SAMD12: variants seen among roughly 807,000 people sequenced by gnomAD.
SAMD12 encodes the protein sterile alpha motif domain-containing protein 12.
In SAMD12, 9 loss-of-function variants were observed where a neutral mutation model predicts 15.0. The observed-to-expected ratio is 0.60, with a 90% CI of 0.36 to 1.05. SAMD12 has a LOEUF of 1.05. SAMD12 is among the 50% of genes least tolerant of loss of function. The pLI is 0.01. For missense variants in SAMD12, 230 were observed against 234.2 expected, an observed-to-expected ratio of 0.98 and a Z score of 0.12; for synonymous variants, 86 against 90.1, an observed-to-expected ratio of 0.96 and a Z score of 0.25.
At chr8:118,195,264 C>CA (rs1267819762) in exon 5 of SAMD12, 3 of 152,256 alleles carry the variant, frequency 2.0e-5, no homozygotes, top group African/African-American at 7.2e-5. Flanking sequence ...GCAGTAGTCT[C>CA]ACAATGTCCT....
At chr8:118,558,497 A>G (rs1321133598) in intron 2 of SAMD12, among the ~76,000 whole-genome samples, 1 of 152,202 alleles carries the variant, frequency 6.6e-6, no homozygotes, top group Non-Finnish European at 1.5e-5. Context: ...GCACTGCTAG[A>G]CCACATACAA....
chr8:118,617,487 T>C (rs1452006009), intron 1 of SAMD12, among the ~76,000 whole-genome samples: 2 of 152,226 alleles, frequency 1.3e-5, no homozygotes, highest in Non-Finnish European at 2.9e-5. Context: ...GATCCCTTAA[T>C]ATAGATGTCA....
At chr8:118,287,122 ATT>A (rs202200197) in intron 4 of SAMD12, among the ~76,000 whole-genome samples, 18 of 132,818 alleles carry the variant, frequency 1.4e-4, no homozygotes, top group South Asian at 2.4e-4. Flanking sequence ...AAGGAAGAAT[ATT>A]TTTTTTTTTT....
At chr8:118,380,106 T>C (rs1819596986) in intron 3 of SAMD12, among the ~76,000 whole-genome samples, 1 of 152,164 alleles carries the variant, frequency 6.6e-6, no homozygotes, top group Non-Finnish European at 1.5e-5. Context: ...ACAACTCACT[T>C]ACAACCCAGC....
In SAMD12 at chr8:118,569,194, A is replaced by G. The variant is rs181759748; in HGVS notation, c.192+11521T>C. On this transcript the variant is annotated intron_variant, in intron 2 of 3. Transcript: ENST00000314727. Reference sequence around the variant, plus strand: ...ACTTTGAGTAATGACATCATGCCATAAGTAGAAAATTCTACTCTTGACCTC... The same window carrying G: ...ACTTTGAGTAATGACATCATGCCATGAGTAGAAAATTCTACTCTTGACCTC... Among the ~76,000 whole-genome samples, 703 of 152,296 alleles carry G rather than the reference A, an allele frequency of 4.6e-3. 2 individuals are homozygous for G. Among genetic ancestry groups the G allele is most frequent in the African/African-American group, 0.016 (645 of 41,552 alleles).
At chr8:118,133,667 A>G in the SAMD12 span, among the ~76,000 whole-genome samples, 2 of 152,172 alleles carry the variant, frequency 1.3e-5, no homozygotes, top group Non-Finnish European at 2.9e-5. Flanking sequence ...AAACAGCTCA[A>G]CATGTCAGGT....
chr8:118,165,632 A>ATATATATG, the SAMD12 span, among the ~76,000 whole-genome samples: 2 of 143,078 alleles, frequency 1.4e-5, no homozygotes, highest in South Asian at 4.3e-4. Flanking sequence ...ATATATATAT[A>ATATATATG]TATACATATA....
chr8:118,237,851 C>T (rs982253521), intron 4 of SAMD12, among the ~76,000 whole-genome samples: 1 of 152,128 alleles, frequency 6.6e-6, no homozygotes, highest in Non-Finnish European at 1.5e-5. Flanking sequence ...TCCATCTCCT[C>T]CTTCCTTTTC....
chr8:118,589,770 A>G (rs562278753), intron 1 of SAMD12, among the ~76,000 whole-genome samples: 3 of 152,288 alleles, frequency 2.0e-5, no homozygotes, highest in East Asian at 3.9e-4. Context: ...TCCATGACCA[A>G]TCATCTTTAT....
intron 2 of SAMD12, among the ~76,000 whole-genome samples, chr8:118,522,606 T>C (rs1825420377): frequency 6.6e-6 from 1 of 152,210 alleles, no homozygotes; most frequent in Non-Finnish European, 1.5e-5. Context: ...TTAGGACAAT[T>C]GCAGATTAAA....
At chr8:118,380,198 A>G (rs1819600988) in intron 3 of SAMD12, among the ~76,000 whole-genome samples, 1 of 152,204 alleles carries the variant, frequency 6.6e-6, no homozygotes, top group Admixed American at 6.5e-5. Flanking sequence ...TTTCTGAGAA[A>G]TATGCATTTA....
chr8:118,422,576 G>A (rs1822047764), intron 3 of SAMD12, among the ~76,000 whole-genome samples: 1 of 152,060 alleles, frequency 6.6e-6, no homozygotes, highest in Non-Finnish European at 1.5e-5. Flanking sequence ...TGAAGCTGAC[G>A]AAAAACCTCA....
At chr8:118,139,215 T>TAA in the SAMD12 span, among the ~76,000 whole-genome samples, 23 of 140,408 alleles carry the variant, frequency 1.6e-4, no homozygotes, top group South Asian at 2.1e-3. Context: ...TGGCAGACAT[T>TAA]AAAAAAAAAA....
chr8:118,266,346 T>G (rs1270742481), intron 4 of SAMD12, among the ~76,000 whole-genome samples: 5 of 152,052 alleles, frequency 3.3e-5, no homozygotes, highest in African/African-American at 7.2e-5. Context: ...AAGATAAATA[T>G]TGGTGAGGAT....
At chr8:118,289,706 T>G (rs141721932) in intron 4 of SAMD12, among the ~76,000 whole-genome samples, 120 of 152,352 alleles carry the variant, frequency 7.9e-4, no homozygotes, top group African/African-American at 2.7e-3. Flanking sequence ...TTGGTAACTG[T>G]ATTTTTTGTT....
intron 4 of SAMD12, among the ~76,000 whole-genome samples, chr8:118,335,230 CT>C (rs1306079034): frequency 2.0e-5 from 3 of 152,166 alleles, no homozygotes; most frequent in African/African-American, 7.2e-5. Flanking sequence ...CTGTGCAATG[CT>C]CCCAATGTGG....
Position 118,621,432 on chromosome 8 carries a change from C to G in SAMD12, c.13+372G>C, listed in dbSNP as rs1281362973. 1.0e-5 allele frequency: 3 copies of G among 299,054 alleles called. No homozygotes were observed. The Admixed American group carries it at 1.4e-4, about 14-fold the overall frequency. 18.5% of individuals were successfully genotyped at this position (299,054 alleles called of 1,614,324 possible). ...AGGGGGGCCAACCAAGCATCCCCAG[C>G]CCCGGGGCCACCCAGCCTGCTCCGG... On this transcript the variant is annotated intron_variant, in intron 1 of 3. Coordinates refer to ENST00000314727, the MANE Select transcript of SAMD12 (RefSeq NM_207506.3).
intron 2 of SAMD12, among the ~76,000 whole-genome samples, chr8:118,540,563 TAAG>T (rs1318577269): frequency 1.3e-5 from 2 of 152,156 alleles, no homozygotes; most frequent in African/African-American, 4.8e-5. Context: ...GATGGAAAGT[TAAG>T]AATCTCACAG....
At chr8:118,183,282 C>T in the SAMD12 span, among the ~76,000 whole-genome samples, 6 of 152,190 alleles carry the variant, frequency 3.9e-5, no homozygotes, top group African/African-American at 1.4e-4. Context: ...ATCATATCTT[C>T]TTCACCAACT....
Sources: gnomAD v4.1 joint callset for allele counts (sites outside exome capture counted in the v4.1 genomes callset) on GRCh38, gnomAD v4.1.1 for gene constraint, MANE v1.5 for transcripts, NCBI Gene and HGNC (gene_info 2026-07-23, HGNC 2026-07-21) for gene names.